Variants in NAV3 observed in about 807,000 individuals in gnomAD.
NAV3 encodes the protein pore membrane and/or filament interacting like protein 1.
A neutral mutation model predicts 244.7 loss-of-function variants in NAV3; 87 were observed. The ratio of observed to expected loss-of-function variants is 0.36; its 90% CI spans 0.30 to 0.42. The LOEUF (loss-of-function observed/expected upper bound fraction) is 0.42, where lower values mean the gene tolerates loss of function less well. NAV3 is among the 20% of genes least tolerant of loss of function. The pLI is 1.00. For missense variants in NAV3, 2,663 were observed against 2,893.3 expected (o/e 0.92, Z 1.83); for synonymous variants, 1,126 against 1,042.2 (o/e 1.08, Z -1.55).
intron 3 of NAV3, among the ~76,000 whole-genome samples, chr12:77,953,484 T>C (rs1029408611): frequency 6.6e-6 from 1 of 152,184 alleles, no homozygotes; most frequent in African/African-American, 2.4e-5. Flanking sequence ...ATGATGCAAA[T>C]CCAGTTTAAC....
chr12:77,647,176 A>G (rs1872638945), intron 2 of NAV3, among the ~76,000 whole-genome samples: 1 of 152,150 alleles, frequency 6.6e-6, no homozygotes, highest in Non-Finnish European at 1.5e-5. Flanking sequence ...TGCCATTAAT[A>G]AGAGAATGGA....
intron 2 of NAV3, among the ~76,000 whole-genome samples, chr12:77,664,506 A>G (rs1161411835): frequency 1.3e-5 from 2 of 152,194 alleles, no homozygotes; most frequent in Non-Finnish European, 2.9e-5. Context: ...CGATAATTTG[A>G]CAGTATCATT....
At chr12:77,627,193 TAA>T (rs1355243516) in intron 2 of NAV3, among the ~76,000 whole-genome samples, 5 of 151,858 alleles carry the variant, frequency 3.3e-5, no homozygotes, top group Non-Finnish European at 7.4e-5. Flanking sequence ...AGGGATGAAA[TAA>T]AAAGTTTCAC....
chr12:77,938,524 C>T (rs909514414), intron 1 of NAV3, among the ~76,000 whole-genome samples: 9 of 152,228 alleles, frequency 5.9e-5, no homozygotes, highest in Admixed American at 3.3e-4. Context: ...TTAATCACCA[C>T]CAGATATGTA....
chr12:77,591,331 T>G (rs1427585461), intron 2 of NAV3, among the ~76,000 whole-genome samples: 1 of 152,254 alleles, frequency 6.6e-6, no homozygotes, highest in Non-Finnish European at 1.5e-5. Context: ...AGGATGAATC[T>G]TCACTGCTGT....
At chr12:77,925,364 G>A (rs1049169235) in intron 1 of NAV3, among the ~76,000 whole-genome samples, 44 of 152,162 alleles carry the variant, frequency 2.9e-4, no homozygotes, top group Admixed American at 2.8e-3. Context: ...TATATAAACC[G>A]TATAAGTTCA....
At position 77,774,329 on chromosome 12, in the gene NAV3, T is replaced by G. The variant is rs992477659; in HGVS notation, c.73-165990T>G. 4.6e-5 allele frequency among the ~76,000 whole-genome samples: 7 copies of G among 152,338 alleles called. No individual in the cohort carries two copies. In the South Asian group the frequency reaches 1.0e-3, roughly 23 times the overall value. On this transcript the variant is annotated intron_variant, in intron 2 of 8. Transcript: ENST00000550042. ...GCTTCCATGAAGCAGTAGGATGGACTATTTTAGCCTTCACAAGTTGATGCT... is the reference window on the plus strand; with the variant it reads ...GCTTCCATGAAGCAGTAGGATGGACGATTTTAGCCTTCACAAGTTGATGCT...
At chr12:77,820,263 CT>C (rs1166362655) in intron 2 of NAV3, among the ~76,000 whole-genome samples, 3 of 152,152 alleles carry the variant, frequency 2.0e-5, no homozygotes, top group Non-Finnish European at 4.4e-5. Context: ...TCCATTAGTG[CT>C]GTTATAACAG....
At chr12:77,726,903 T>C (rs1360208253) in intron 2 of NAV3, among the ~76,000 whole-genome samples, 1 of 151,904 alleles carries the variant, frequency 6.6e-6, no homozygotes, top group East Asian at 1.9e-4. Flanking sequence ...AGCCATTTCA[T>C]GTAAGACTTC....
rs1398352896 is a variant in NAV3, at chr12:77,940,366, G to A, written c.291G>A (p.Lys97=). 1.9e-6 allele frequency: 3 copies of A among 1,613,944 alleles called. No homozygotes were observed. The highest frequency in any genetic ancestry group is 2.5e-6 in the Non-Finnish European group (3 of 1,179,860). ...ANHYLAKSGH[K]RLIKDLQQDI... Reference sequence around the variant, plus strand: ...ACTACCTAGCAAAATCAGGCCACAAGCGGCTGATCAAGGACTTGCAACAAG... The same window carrying A: ...ACTACCTAGCAAAATCAGGCCACAAACGGCTGATCAAGGACTTGCAACAAG... Residue 97 remains lysine, a synonymous_variant, in exon 2 of 40, where the codon AAG becomes AAA. Coordinates refer to ENST00000397909, the MANE Select transcript of NAV3 (RefSeq NM_001024383.2).
In NAV3 at chr12:77,613,194, T is replaced by TGTTG. The variant is rs1870994949; in HGVS notation, c.72+40930_72+40933dup. Among the ~76,000 whole-genome samples the TGTTG allele has an allele frequency of 3.3e-5, 5 of 152,316 alleles. No homozygotes were observed. In the South Asian group the frequency reaches 1.0e-3, roughly 32 times the overall value. ...CCTATAGACATGTTTGTTGGATAGT[T>TGTTG]GTTGGCAGAGTTTGCTCAGAATAGA... On this transcript the variant is annotated intron_variant, in intron 2 of 8. Coordinates refer to the NAV3 transcript ENST00000550042.
intron 2 of NAV3, among the ~76,000 whole-genome samples, chr12:77,720,940 A>G (rs921358066): frequency 6.6e-6 from 1 of 152,156 alleles, no homozygotes; most frequent in Non-Finnish European, 1.5e-5. Context: ...GATATTCTGC[A>G]CATCAGTTTT....
chr12:77,736,080 ATTG>A (rs2137366752), intron 2 of NAV3, among the ~76,000 whole-genome samples: 1 of 152,314 alleles, frequency 6.6e-6, no homozygotes, highest in Non-Finnish European at 1.5e-5. Context: ...AATATCTGTA[ATTG>A]TTGACCACTG....
At chr12:77,811,424 CCAT>C (rs1387398099) in intron 2 of NAV3, among the ~76,000 whole-genome samples, 3 of 152,184 alleles carry the variant, frequency 2.0e-5, no homozygotes, top group African/African-American at 4.8e-5. Flanking sequence ...ACCTCCACCA[CCAT>C]CAAGTCTCCG....
intron 2 of NAV3, among the ~76,000 whole-genome samples, chr12:77,761,747 G>C (rs188241885): frequency 1.6e-4 from 25 of 152,338 alleles, no homozygotes; most frequent in African/African-American, 5.3e-4. Context: ...ATGCCAGTTA[G>C]AATGGCAATC....
intron 1 of NAV3, among the ~76,000 whole-genome samples, chr12:77,847,010 A>T (rs995434968): frequency 6.6e-6 from 1 of 152,184 alleles, no homozygotes; most frequent in African/African-American, 2.4e-5. Context: ...CCCTGAGTTG[A>T]ATATAATGAT....
chr12:78,121,836 C>A, intron 15 of NAV3, 104 bp from the exon 16 acceptor site: 3 of 1,409,454 alleles, frequency 2.1e-6, no homozygotes, highest in Non-Finnish European at 2.9e-6. Context: ...CTTTGTAGTT[C>A]AGTACATCAA....
At chr12:77,760,645 CATT>C (rs1175231933) in intron 2 of NAV3, among the ~76,000 whole-genome samples, 2 of 152,108 alleles carry the variant, frequency 1.3e-5, no homozygotes, top group African/African-American at 2.4e-5. Context: ...ATTAAAGAAA[CATT>C]ATCAGTCATA....
At chr12:78,062,586 C>T (rs1884475291) in intron 12 of NAV3, among the ~76,000 whole-genome samples, 1 of 151,986 alleles carries the variant, frequency 6.6e-6, no homozygotes, top group Non-Finnish European at 1.5e-5. Flanking sequence ...CACTGATTCC[C>T]TCCCTTTTTT....
Sources: allele counts gnomAD v4.1 joint callset (sites outside exome capture counted in the v4.1 genomes callset), GRCh38; gene constraint gnomAD v4.1.1; transcripts MANE v1.5; gene names NCBI Gene and HGNC (gene_info 2026-07-23, HGNC 2026-07-21).